MYO16: variants seen among roughly 807,000 people sequenced by gnomAD.
The protein encoded by MYO16 is unconventional myosin-XVI.
In MYO16, 94 loss-of-function variants were observed where a neutral mutation model predicts 205.3. That is an observed-to-expected ratio of 0.46 (90% CI 0.39 to 0.54). MYO16 has a LOEUF of 0.54. Among genes scored for constraint, MYO16 ranks in the 20% least tolerant of loss-of-function variants. The pLI, the probability that MYO16 is intolerant of heterozygous loss-of-function variation, is 0.00. For synonymous variants in MYO16, 988 were observed against 954.0 expected (o/e 1.04, Z -0.66); for missense variants, 2,315 against 2,387.5 (o/e 0.97, Z 0.63).
chr13:108,768,664 T>A (rs1885860197), intron 4 of MYO16, among the ~76,000 whole-genome samples: 1 of 152,182 alleles, frequency 6.6e-6, no homozygotes, highest in East Asian at 1.9e-4. Context: ...AATATACGTC[T>A]TTGAAGTGAG....
At chr13:109,179,703 T>G (rs1020900338) in intron 34 of MYO16, 70 bp downstream of exon 34, 5 of 1,240,688 alleles carry the variant, frequency 4.0e-6, no homozygotes, top group Non-Finnish European at 5.9e-6. Context: ...ATTCATTAAC[T>G]TGTTACCAAT....
At chr13:108,913,632 G>T (rs1298454511) in intron 16 of MYO16, among the ~76,000 whole-genome samples, 1 of 152,116 alleles carries the variant, frequency 6.6e-6, no homozygotes, top group African/African-American at 2.4e-5. Context: ...CTTAAAATTG[G>T]TACCCATAGG....
chr13:108,762,350 G>C (rs1255412158), intron 4 of MYO16, among the ~76,000 whole-genome samples: 1 of 152,166 alleles, frequency 6.6e-6, no homozygotes, highest in Non-Finnish European at 1.5e-5. Flanking sequence ...TTTCCTTTGG[G>C]AAGATACCAA....
the MYO16 span, among the ~76,000 whole-genome samples, chr13:108,568,364 T>C: frequency 6.6e-6 from 1 of 152,142 alleles, no homozygotes; most frequent in Non-Finnish European, 1.5e-5. Context: ...CACTTATAAT[T>C]GTCTGAGTTT....
At chr13:109,035,333 A>T (rs1431889144) in intron 23 of MYO16, among the ~76,000 whole-genome samples, 1 of 152,178 alleles carries the variant, frequency 6.6e-6, no homozygotes, top group African/African-American at 2.4e-5. Flanking sequence ...GCAATTTAAA[A>T]ATACGTCAAT....
intron 16 of MYO16, among the ~76,000 whole-genome samples, chr13:108,956,277 G>C (rs939322188): frequency 1.3e-5 from 2 of 151,738 alleles, no homozygotes; most frequent in Non-Finnish European, 1.5e-5. Context: ...CCACCTCCCC[G>C]TGCCCAGTTC....
chr13:108,898,012 A>G lies in MYO16; in HGVS notation c.1660-4A>G. The stretch of plus-strand genomic sequence containing the variant: ...GTTCAGTAAAATGTTCTCCTCTCCC[A>G]CAGGTCGTGTGCATCTTAGAAGCCT... On this transcript the variant is annotated splice_region_variant and splice_polypyrimidine_tract_variant and intron_variant, in intron 14 of 34. Coordinates refer to ENST00000457511, the MANE Select transcript of MYO16 (RefSeq NM_001198950.3). The G allele has an allele frequency of 6.2e-7, 1 of 1,602,578 alleles. No homozygotes were observed. Among genetic ancestry groups the G allele is most frequent in the African/African-American group, 1.3e-5 (1 of 74,730 alleles).
At chr13:109,121,533 G>T (rs1875991245) in intron 29 of MYO16, among the ~76,000 whole-genome samples, 1 of 152,236 alleles carries the variant, frequency 6.6e-6, no homozygotes, top group Non-Finnish European at 1.5e-5. Flanking sequence ...TGGGCACCTT[G>T]CAGACCCTCT....
At chr13:108,686,951 C>T (rs1264891892) in intron 2 of MYO16, among the ~76,000 whole-genome samples, 2 of 152,162 alleles carry the variant, frequency 1.3e-5, no homozygotes, top group Non-Finnish European at 2.9e-5. Flanking sequence ...TGACAGGGTC[C>T]TGGAACAACG....
chr13:108,967,250 A>T (rs1454287621), intron 20 of MYO16, among the ~76,000 whole-genome samples: 1 of 152,116 alleles, frequency 6.6e-6, no homozygotes, highest in Non-Finnish European at 1.5e-5. Context: ...TTATAAAGGG[A>T]AAATGAGTGA....
At chr13:108,885,986 T>C (rs777042932) in intron 13 of MYO16, among the ~76,000 whole-genome samples, 7 of 151,862 alleles carry the variant, frequency 4.6e-5, no homozygotes, top group Admixed American at 2.6e-4. Context: ...TTGCTTTGGG[T>C]CTTTTTTTTT....
chr13:108,795,199 CT>C (rs35009028), intron 6 of MYO16, among the ~76,000 whole-genome samples: 11 of 146,890 alleles, frequency 7.5e-5, no homozygotes, highest in African/African-American at 2.5e-4. Context: ...TTCTTACTTT[CT>C]TTTTTTTTTT....
chr13:108,547,901 T>G, the MYO16 span, among the ~76,000 whole-genome samples: 3 of 152,178 alleles, frequency 2.0e-5, no homozygotes, highest in Non-Finnish European at 4.4e-5. Context: ...TTCCCTCTAG[T>G]TAAGATACAA....
chr13:108,711,075 T>G (rs7995643), intron 2 of MYO16, among the ~76,000 whole-genome samples: 145,612 of 152,202 alleles, frequency 0.96, 69,823 homozygotes, highest in East Asian at 1. Flanking sequence ...TATATATATA[T>G]AGAGAGAAAG....
intron 4 of MYO16, among the ~76,000 whole-genome samples, chr13:108,779,023 C>G (rs1303494795): frequency 6.6e-6 from 1 of 152,200 alleles, no homozygotes; most frequent in Non-Finnish European, 1.5e-5. Flanking sequence ...GGCCGAGTGC[C>G]AGAGTCTTGG....
At chr13:108,830,272 A>T (rs1876530329) in intron 9 of MYO16, among the ~76,000 whole-genome samples, 1 of 115,158 alleles carries the variant, frequency 8.7e-6, no homozygotes, top group Non-Finnish European at 1.9e-5. Flanking sequence ...ATATACCCAA[A>T]GGACTATAAA....
intron 27 of MYO16, among the ~76,000 whole-genome samples, chr13:109,099,364 A>T (rs1175498115): frequency 6.6e-6 from 1 of 152,250 alleles, no homozygotes; most frequent in East Asian, 1.9e-4. Flanking sequence ...CACTAACATG[A>T]TGTATAGCAT....
At chr13:108,853,657 C>T (rs1878008377) in intron 10 of MYO16, among the ~76,000 whole-genome samples, 1 of 146,878 alleles carries the variant, frequency 6.8e-6, no homozygotes, top group Non-Finnish European at 1.5e-5. Context: ...AGTGTAGTGG[C>T]ACTATCATGA....
intron 28 of MYO16, among the ~76,000 whole-genome samples, chr13:109,114,821 AT>A (rs1352523525): frequency 6.6e-6 from 1 of 152,140 alleles, no homozygotes; most frequent in Non-Finnish European, 1.5e-5. Flanking sequence ...TACTGATTGT[AT>A]TTTTTAGTAG....
Sources: allele counts gnomAD v4.1 joint callset (sites outside exome capture counted in the v4.1 genomes callset), GRCh38; gene constraint gnomAD v4.1.1; transcripts MANE v1.5; gene names NCBI Gene and HGNC (gene_info 2026-07-23, HGNC 2026-07-21).